Variants in TARBP1 observed in about 807,000 individuals in gnomAD.
TARBP1 encodes the protein tRNA guanosine 2 -O-methyltransferase TARBP1, also known as tRNA (guanosine(18)-2'-O)-methyltransferase TARBP1.
A neutral mutation model predicts 178.6 loss-of-function variants in TARBP1; 144 were observed. That is an observed-to-expected ratio of 0.81 (90% CI 0.70 to 0.93). TARBP1 has a LOEUF of 0.93. Ranked by LOEUF, TARBP1 falls within the 40% of genes least tolerant of loss-of-function variation. The pLI is 0.00. For synonymous variants in TARBP1, 787 were observed against 781.0 expected (o/e 1.01, Z -0.13); for missense variants, 2,067 against 2,011.7 (o/e 1.03, Z -0.53).
At position 234,410,492 on chromosome 1, in the gene TARBP1, C is replaced by G; in HGVS notation, c.3745G>C (p.Ala1249Pro). Reference protein sequence around the residue: ...NLKTSICTFLAVLSHLDIITQ... With the variant: ...NLKTSICTFLPVLSHLDIITQ... Reference sequence around the variant, plus strand: ...ATAATGTCTAAATGTGATAAAACTGCTAAAAACGTACAAATGCTTGTTTTA... The same window carrying G: ...ATAATGTCTAAATGTGATAAAACTGGTAAAAACGTACAAATGCTTGTTTTA... Residue 1249 changes from alanine (A) to proline (P), a missense_variant, in exon 23 of 30, where the codon GCA becomes CCA. Physicochemically the swap from Ala to Pro is conservative, Grantham distance 27. Transcript: ENST00000040877. 6.5e-7 allele frequency: 1 copy of G among 1,528,416 alleles called. No homozygotes were observed. Among genetic ancestry groups the G allele is most frequent in the Admixed American group, 1.9e-5 (1 of 53,686 alleles). 94.7% of individuals were successfully genotyped at this position (1,528,416 alleles called of 1,614,324 possible). A position where few individuals can be genotyped will look rare whatever the true frequency, so the allele number is the denominator to read the frequency against.
rs770074241 is a variant in TARBP1, at chr1:234,433,391, T to C, written c.2394+19A>G. 6.8e-6 allele frequency: 11 copies of C among 1,609,872 alleles called. No homozygotes were observed. In the East Asian group the frequency reaches 2.2e-4, roughly 33 times the overall value. On this transcript the variant is annotated intron_variant, in intron 14 of 29. Coordinates refer to ENST00000040877, the MANE Select transcript of TARBP1 (RefSeq NM_005646.4). Reference sequence around the variant, plus strand: ...GCCTTATTCAAGATAACTACAAACCTTGAATCAAAGAGGCTTACCTGTCCA... The same window carrying C: ...GCCTTATTCAAGATAACTACAAACCCTGAATCAAAGAGGCTTACCTGTCCA...
At chr1:234,425,377 AT>A (rs925438682) in intron 20 of TARBP1, among the ~76,000 whole-genome samples, 1 of 151,924 alleles carries the variant, frequency 6.6e-6, no homozygotes, top group African/African-American at 2.4e-5. Context: ...ACTAACCAAG[AT>A]TTTTTTTCTT....
At chr1:234,428,662 C>T (rs1246644562) in intron 17 of TARBP1, among the ~76,000 whole-genome samples, 1 of 152,108 alleles carries the variant, frequency 6.6e-6, no homozygotes, top group African/African-American at 2.4e-5. Context: ...TCTCCTGCCT[C>T]AGCCTCCTGA....
Position 234,450,409 on chromosome 1 carries a change from A to C in TARBP1, c.1861+19T>G. 5.8e-6 allele frequency: 9 copies of C among 1,551,406 alleles called. No homozygotes were observed. The highest frequency in any genetic ancestry group is 7.8e-6 in the Non-Finnish European group (9 of 1,154,366). The stretch of plus-strand genomic sequence containing the variant: ...AATATTTTGGTTATATCAATCCATA[A>C]AAATGATTGCAGACTTACTTTCCCA... On this transcript the variant is annotated intron_variant, in intron 10 of 29. Coordinates refer to ENST00000040877, the MANE Select transcript of TARBP1 (RefSeq NM_005646.4).
At chr1:234,423,670 T>C (rs139930738) in intron 20 of TARBP1, among the ~76,000 whole-genome samples, 1,697 of 152,060 alleles carry the variant, frequency 0.011, 28 homozygotes, top group African/African-American at 0.036. Context: ...CCTCTCCAGG[T>C]GTCCTCCTTA....
intron 3 of TARBP1, among the ~76,000 whole-genome samples, chr1:234,468,486 G>A (rs1337677704): frequency 4.6e-5 from 7 of 152,098 alleles, no homozygotes; most frequent in Admixed American, 1.3e-4. Context: ...AAGAAAGACT[G>A]TAAACGAATG....
intron 12 of TARBP1, among the ~76,000 whole-genome samples, chr1:234,444,132 T>C (rs1412364869): frequency 6.6e-6 from 1 of 152,068 alleles, no homozygotes; most frequent in Non-Finnish European, 1.5e-5. Context: ...TATAAAACTA[T>C]CTATGCATAA....
At chr1:234,467,867 G>C (rs943041071) in intron 3 of TARBP1, among the ~76,000 whole-genome samples, 5 of 152,102 alleles carry the variant, frequency 3.3e-5, no homozygotes, top group African/African-American at 1.2e-4. Context: ...AAACTCCAGG[G>C]CTCAAGCGAT....
At position 234,478,234 on chromosome 1, in the gene TARBP1, C is replaced by G. The variant is rs758133397; in HGVS notation, c.870G>C (p.Arg290Ser). 1.9e-5 allele frequency: 30 copies of G among 1,611,448 alleles called. No individual in the cohort carries two copies. Among genetic ancestry groups the G allele is most frequent in the Non-Finnish European group, 2.4e-5 (28 of 1,179,492 alleles). The change falls in exon 1 of 30, where the codon AGG becomes AGC. Residue 290 changes from arginine (R) to serine (S), a missense_variant. Arg to Ser is a moderately radical substitution (Grantham distance 110, BLOSUM62 -1). Transcript: ENST00000040877. ...CCAGCTCCGCCGACACCTCCACCGC[C>G]CTCTGCAGCAGGTAGCGCGCTCGCT... ...TRKRARYLLQ[R>S]AVEVSAELGA... is the part of the protein sequence containing the mutation.
intron 9 of TARBP1, among the ~76,000 whole-genome samples, chr1:234,454,156 A>C (rs1667064798): frequency 6.6e-6 from 1 of 152,176 alleles, no homozygotes; most frequent in Non-Finnish European, 1.5e-5. Context: ...TTTTTACATG[A>C]ATTTTCTCTT....
chr1:234,433,446 T>C lies in TARBP1; in HGVS notation c.2358A>G (p.Ala786=), dbSNP rs3754311. 0.11 allele frequency: 183,728 copies of C among 1,613,460 alleles called. 12,015 individuals carry two copies. Among genetic ancestry groups the C allele is most frequent in the Middle Eastern group, 0.28 (1,697 of 6,060 alleles). ...IWRVISLLKN[A]SIQHLQEMDS... is the part of the protein sequence containing the mutation. ...CCATCTCTTGAAGATGCTGAATGGA[T>C]GCATTTTTCAAAAGAGAAATAACTC... Residue 786 remains alanine (A), a synonymous_variant, in exon 14 of 30, where the codon GCA becomes GCG. Transcript: ENST00000040877.
chr1:234,458,006 TA>T (rs56105144), intron 8 of TARBP1, among the ~76,000 whole-genome samples: 38,868 of 143,440 alleles, frequency 0.27, 5,408 homozygotes, highest in South Asian at 0.44. Flanking sequence ...GTCACAATCT[TA>T]AAAAAAAAAA....
chr1:234,413,829 A>G (rs997765601), intron 22 of TARBP1, among the ~76,000 whole-genome samples: 1 of 152,234 alleles, frequency 6.6e-6, no homozygotes, highest in Non-Finnish European at 1.5e-5. Flanking sequence ...CGACTGAGAT[A>G]CAATGGCAGG....
At chr1:234,426,720 AG>A (rs1177778255) in intron 19 of TARBP1, among the ~76,000 whole-genome samples, 2 of 152,222 alleles carry the variant, frequency 1.3e-5, no homozygotes, top group Admixed American at 1.3e-4. Context: ...CTATTTGACA[AG>A]CTCCAAAAAA....
intron 23 of TARBP1, chr1:234,407,036 T>G (rs1661315308): frequency 1.3e-5 from 2 of 152,240 alleles, no homozygotes; most frequent in African/African-American, 4.8e-5. Context: ...AAAACAGAGA[T>G]AAACAATCCT....
At chr1:234,448,368 C>G (rs1180589281) in intron 11 of TARBP1, 112 bp downstream of exon 11, 2 of 840,708 alleles carry the variant, frequency 2.4e-6, no homozygotes, top group Non-Finnish European at 3.9e-6. Flanking sequence ...CTAGTACCTT[C>G]CTTGACACCT....
chr1:234,473,701 A>T (rs1669289918), intron 1 of TARBP1, among the ~76,000 whole-genome samples: 1 of 152,256 alleles, frequency 6.6e-6, no homozygotes. Context: ...TTCAGTCAAC[A>T]GCACCACTCA....
At chr1:234,410,340 A>G in intron 23 of TARBP1, 105 bp downstream of exon 23, 1 of 660,958 alleles carries the variant, frequency 1.5e-6, no homozygotes, top group Non-Finnish European at 2.6e-6. Context: ...AAGGAAAGGG[A>G]AAAATTGCAA....
chr1:234,419,543 C>T (rs897817119), intron 21 of TARBP1, among the ~76,000 whole-genome samples: 8 of 152,300 alleles, frequency 5.3e-5, no homozygotes, highest in African/African-American at 1.9e-4. Context: ...AGCTCCATAA[C>T]AGACTGCTAG....
Sources: allele counts gnomAD v4.1 joint callset (sites outside exome capture counted in the v4.1 genomes callset), GRCh38; gene constraint gnomAD v4.1.1; transcripts MANE v1.5; gene names NCBI Gene and HGNC (gene_info 2026-07-23, HGNC 2026-07-21).